Variants in TRPM3 observed in about 807,000 individuals in gnomAD.
TRPM3 encodes the protein long transient receptor potential channel 3.
A neutral mutation model predicts 181.2 loss-of-function variants in TRPM3; 77 were observed. The ratio of observed to expected loss-of-function variants is 0.42; its 90% CI spans 0.35 to 0.51. The LOEUF (loss-of-function observed/expected upper bound fraction) is 0.51. Ranked by LOEUF, TRPM3 falls within the 20% of genes least tolerant of loss-of-function variation. The pLI, the probability that TRPM3 is intolerant of heterozygous loss-of-function variation, is 0.01. For missense variants in TRPM3, 1,759 were observed against 2,196.7 expected, an observed-to-expected ratio of 0.80 and a Z score of 3.98; for synonymous variants, 745 against 796.4, an observed-to-expected ratio of 0.94 and a Z score of 1.09.
chr9:71,421,578 T>C (rs1164554497), intron 1 of TRPM3, among the ~76,000 whole-genome samples: 1 of 151,904 alleles, frequency 6.6e-6, no homozygotes, highest in Non-Finnish European at 1.5e-5. Context: ...CTACCTACCA[T>C]TAGTTTCCCA....
At chr9:70,956,042 C>A (rs1461208795) in intron 1 of TRPM3, among the ~76,000 whole-genome samples, 1 of 152,076 alleles carries the variant, frequency 6.6e-6, no homozygotes, top group Non-Finnish European at 1.5e-5. Context: ...AGAGGAACTC[C>A]CAATATTCTA....
chr9:71,183,031 GA>G (rs1437727064), intron 1 of TRPM3, among the ~76,000 whole-genome samples: 1 of 152,062 alleles, frequency 6.6e-6, no homozygotes, highest in African/African-American at 2.4e-5. Context: ...GGTAAAAAAA[GA>G]AAAGAAAAAG....
At chr9:70,669,403 C>T (rs929623822) in intron 9 of TRPM3, among the ~76,000 whole-genome samples, 1 of 152,194 alleles carries the variant, frequency 6.6e-6, no homozygotes, top group Non-Finnish European at 1.5e-5. Context: ...CTACATGTTA[C>T]AGCTTTTCTC....
intron 11 of TRPM3, 76 bp downstream of exon 11, chr9:70,638,984 C>T: frequency 6.6e-7 from 1 of 1,508,060 alleles, no homozygotes; most frequent in Non-Finnish European, 9.0e-7. Flanking sequence ...AAGAGAATCA[C>T]AGGCATATGG....
At chr9:71,333,710 T>C (rs2090371713) in intron 1 of TRPM3, among the ~76,000 whole-genome samples, 1 of 151,888 alleles carries the variant, frequency 6.6e-6, no homozygotes, top group Non-Finnish European at 1.5e-5. Flanking sequence ...GTGGGAGACT[T>C]AGAGCCAGAG....
intron 1 of TRPM3, among the ~76,000 whole-genome samples, chr9:71,399,535 T>TG (rs2093289138): frequency 7.6e-6 from 1 of 130,986 alleles, no homozygotes; most frequent in African/African-American, 3.0e-5. Flanking sequence ...TGTTTTTTTT[T>TG]TTTTTTTTTT....
rs150889634 is a variant in TRPM3 at position 71,082,642 on chromosome 9, T to A, written c.177+38536A>T. ...CTCCATAAGATGCATTCTATTCTAA[T>A]TCTCTATGATCCTATCGTTAGTGGA... is the stretch of plus-strand genomic sequence containing the variant. On this transcript the variant is annotated intron_variant, in intron 1 of 25. Coordinates refer to ENST00000677713, the MANE Select transcript of TRPM3 (RefSeq NM_001366145.2). Among the ~76,000 whole-genome samples, 566 of 152,296 alleles carry A rather than the reference T, an allele frequency of 3.7e-3. 6 individuals are homozygous for A. Among genetic ancestry groups the A allele is most frequent in the African/African-American group, 0.013 (543 of 41,570 alleles).
At chr9:71,402,781 G>A (rs2093365693) in intron 1 of TRPM3, among the ~76,000 whole-genome samples, 1 of 152,218 alleles carries the variant, frequency 6.6e-6, no homozygotes, top group South Asian at 2.1e-4. Context: ...GCCTTTCCCA[G>A]CTATGATCCA....
chr9:70,950,008 A>G (rs144611871), intron 1 of TRPM3, among the ~76,000 whole-genome samples: 1 of 152,166 alleles, frequency 6.6e-6, no homozygotes, highest in African/African-American at 2.4e-5. Context: ...ATGCTAATGC[A>G]ATTCACTTTG....
chr9:71,187,787 A>T (rs952912748), intron 1 of TRPM3, among the ~76,000 whole-genome samples: 13 of 151,848 alleles, frequency 8.6e-5, no homozygotes, highest in Non-Finnish European at 1.9e-4. Context: ...AGAATATATG[A>T]TCATATATAT....
chr9:71,421,036 AGAG>A (rs942194383), intron 1 of TRPM3, among the ~76,000 whole-genome samples: 3 of 149,378 alleles, frequency 2.0e-5, no homozygotes, highest in Non-Finnish European at 4.4e-5. Flanking sequence ...AAAAAGAAAA[AGAG>A]AACGAACTCA....
At chr9:71,137,849 G>C (rs111487011) in intron 1 of TRPM3, among the ~76,000 whole-genome samples, 152 of 152,254 alleles carry the variant, frequency 1.0e-3, no homozygotes, top group African/African-American at 3.5e-3. Context: ...GGGCGAGGTG[G>C]CTCACACCTA....
intron 8 of TRPM3, among the ~76,000 whole-genome samples, chr9:70,686,699 T>TGGAACC (rs375403711): frequency 2.5e-5 from 2 of 78,690 alleles, no homozygotes; most frequent in East Asian, 3.3e-4. Context: ...CCTTCCTTCC[T>TGGAACC]TCCTTCCTTC....
chr9:70,779,893 AT>A (rs1260529415), intron 7 of TRPM3, among the ~76,000 whole-genome samples: 1 of 152,176 alleles, frequency 6.6e-6, no homozygotes, highest in Admixed American at 6.5e-5. Context: ...GAGAAAAAAA[AT>A]GGGAGTTTGA....
At chr9:70,952,653 C>T (rs369440884) in intron 1 of TRPM3, among the ~76,000 whole-genome samples, 7 of 152,098 alleles carry the variant, frequency 4.6e-5, no homozygotes, top group East Asian at 1.9e-4. Flanking sequence ...AAGGAAAGAG[C>T]GAAAAATTGG....
chr9:71,058,416 G>A (rs1234684320), intron 1 of TRPM3, among the ~76,000 whole-genome samples: 1 of 152,010 alleles, frequency 6.6e-6, no homozygotes, highest in African/African-American at 2.4e-5. Context: ...GGCTCTGAAG[G>A]TTAATCAAAT....
At chr9:71,011,089 A>T (rs566272876) in intron 1 of TRPM3, among the ~76,000 whole-genome samples, 1 of 152,236 alleles carries the variant, frequency 6.6e-6, no homozygotes, top group African/African-American at 2.4e-5. Context: ...GTTCTCACTC[A>T]TATGTGGAAT....
chr9:70,799,666 G>A (rs1421163083), intron 6 of TRPM3, among the ~76,000 whole-genome samples: 2 of 152,136 alleles, frequency 1.3e-5, no homozygotes, highest in Non-Finnish European at 2.9e-5. Flanking sequence ...TTCTTGATTG[G>A]ATAGAGCTAA....
At chr9:71,182,672 T>A (rs950572425) in intron 1 of TRPM3, among the ~76,000 whole-genome samples, 3 of 152,116 alleles carry the variant, frequency 2.0e-5, no homozygotes, top group African/African-American at 7.2e-5. Context: ...TTAAATTTTA[T>A]TTTATTTTTA....
Sources: gnomAD v4.1 joint callset for allele counts (sites outside exome capture counted in the v4.1 genomes callset) on GRCh38, gnomAD v4.1.1 for gene constraint, MANE v1.5 for transcripts, NCBI Gene and HGNC (gene_info 2026-07-23, HGNC 2026-07-21) for gene names.